SYNE2: variants seen among roughly 807,000 people sequenced by gnomAD.
SYNE2 encodes the protein spectrin repeat containing nuclear envelope protein 2.
In SYNE2, 431 loss-of-function variants were observed where a neutral mutation model predicts 856.3. The ratio of observed to expected loss-of-function variants is 0.50; its 90% CI spans 0.47 to 0.55. The LOEUF is 0.55. SYNE2 is among the 20% of genes least tolerant of loss of function. The pLI, the probability that SYNE2 is intolerant of heterozygous loss-of-function variation, is 0.00. For missense variants in SYNE2, 8,129 were observed against 8,023.2 expected, an observed-to-expected ratio of 1.01 and a Z score of -0.50; for synonymous variants, 2,923 against 2,872.3, an observed-to-expected ratio of 1.02 and a Z score of -0.56.
At chr14:64,080,072 C>CGT (rs998860528) in intron 55 of SYNE2, among the ~76,000 whole-genome samples, 1 of 151,452 alleles carries the variant, frequency 6.6e-6, no homozygotes, top group East Asian at 1.9e-4. Flanking sequence ...TGTGCGCGTG[C>CGT]GTGTGTGTGT....
upstream of SYNE2, among the ~76,000 whole-genome samples, chr14:63,849,265 C>CTTTT (rs35001530): frequency 7.9e-6 from 1 of 127,146 alleles, no homozygotes; most frequent in African/African-American, 2.8e-5. Flanking sequence ...AGTTAATCTC[C>CTTTT]TTTTTTTTTT....
intron 52 of SYNE2, among the ~76,000 whole-genome samples, chr14:64,072,538 C>T (rs7153871): frequency 8.6e-5 from 13 of 151,072 alleles, no homozygotes; most frequent in Non-Finnish European, 1.3e-4. Context: ...CTTGCTCTGT[C>T]GCCTAGGCTG....
chr14:64,032,624 G>A (rs1024061501), intron 45 of SYNE2, among the ~76,000 whole-genome samples: 2 of 151,726 alleles, frequency 1.3e-5, no homozygotes, highest in Non-Finnish European at 2.9e-5. Context: ...CCTGGCTGGA[G>A]TGCAATGGTG....
rs1367301952 is a variant in SYNE2, at chr14:64,027,505, A to G, written c.6426A>G (p.Leu2142=). 6.3e-7 allele frequency: 1 copy of G among 1,597,364 alleles called. No homozygotes were observed. Among genetic ancestry groups the G allele is most frequent in the Non-Finnish European group, 8.5e-7 (1 of 1,173,250 alleles). The part of the protein sequence containing the change: ...TYLSHQEKLL[L]EGEKYLQSKE... ...TTAGCCATCAAGAAAAGCTTCTACT[A>G]GAAGGAGAGAAATATTTACAAAGTA... is the stretch of plus-strand genomic sequence containing the variant. Residue 2142 remains leucine, a synonymous_variant, in exon 43 of 116, where the codon CTA becomes CTG. Transcript: ENST00000555002.
At chr14:64,189,538 G>T (rs180983347) in intron 98 of SYNE2, among the ~76,000 whole-genome samples, 1 of 152,198 alleles carries the variant, frequency 6.6e-6, no homozygotes, top group Non-Finnish European at 1.5e-5. Context: ...CAGCTCCCAC[G>T]TAGGTTAGAA....
chr14:63,878,439 G>C (rs2094778501), intron 1 of SYNE2, among the ~76,000 whole-genome samples: 1 of 152,160 alleles, frequency 6.6e-6, no homozygotes, highest in Non-Finnish European at 1.5e-5. Flanking sequence ...CTCATATTTG[G>C]GGCCACACAA....
In SYNE2 at chr14:63,974,878, G is replaced by A. The variant is rs1296053438; in HGVS notation, c.1129-1685G>A. ...TGTGTGTGTGTGTGTGTGTGTGTGT[G>A]TGTGTGTGTGTGTGTATATATATAT... On this transcript the variant is annotated intron_variant, in intron 11 of 115. Coordinates refer to ENST00000555002, the MANE Select transcript of SYNE2 (RefSeq NM_182914.3). 3.1e-3 allele frequency among the ~76,000 whole-genome samples: 90 copies of A among 29,278 alleles called. 1 individual carries two copies. The highest frequency in any genetic ancestry group is 0.026 in the Middle Eastern group (1 of 38). 19.2% of individuals were successfully genotyped at this position (29,278 alleles called of 152,430 possible). A position where few individuals can be genotyped will look rare whatever the true frequency, so the allele number is the denominator to read the frequency against.
At chr14:63,832,312 G>A (rs764642658) in intron 1 of SYNE2, among the ~76,000 whole-genome samples, 4 of 151,628 alleles carry the variant, frequency 2.6e-5, no homozygotes, top group African/African-American at 4.8e-5. Flanking sequence ...CACCAGCCAT[G>A]GGCAACATAG....
chr14:63,921,473 T>C (rs984487276), intron 2 of SYNE2, among the ~76,000 whole-genome samples: 2 of 152,108 alleles, frequency 1.3e-5, no homozygotes, highest in Non-Finnish European at 2.9e-5. Context: ...CACAAGCCCG[T>C]AGCAGAGCTT....
chr14:63,832,866 CAAAAAA>C (rs36099684), intron 1 of SYNE2, among the ~76,000 whole-genome samples: 998 of 64,742 alleles, frequency 0.015, 17 homozygotes, highest in African/African-American at 0.058. Flanking sequence ...CTGTCTCTAC[CAAAAAA>C]AAAAAAAAAA....
chr14:63,824,052 C>T (rs914305564), intron 1 of SYNE2, among the ~76,000 whole-genome samples: 1 of 152,244 alleles, frequency 6.6e-6, no homozygotes, highest in Non-Finnish European at 1.5e-5. Flanking sequence ...TTAAAAATAA[C>T]TAAAAGAGGA....
chr14:63,832,436 C>T (rs7150579), intron 1 of SYNE2, among the ~76,000 whole-genome samples: 2,887 of 152,014 alleles, frequency 0.019, 91 homozygotes, highest in African/African-American at 0.065. Context: ...CCACCATTCC[C>T]GGCCTTAGCC....
chr14:63,944,886 G>A (rs1457108530), intron 6 of SYNE2, among the ~76,000 whole-genome samples: 19 of 132,468 alleles, frequency 1.4e-4, no homozygotes, highest in Middle Eastern at 8.6e-3. Flanking sequence ...GTGCAGTGGC[G>A]TGATTTTGGC....
intron 67 of SYNE2, 48 bp downstream of exon 67, chr14:64,119,657 C>G: frequency 6.3e-7 from 1 of 1,590,136 alleles, no homozygotes; most frequent in Admixed American, 1.7e-5. Context: ...ACATATGTGG[C>G]AGACCTGCCA....
chr14:63,854,428 T>C (rs1289351718), intron 1 of SYNE2, among the ~76,000 whole-genome samples: 2 of 152,194 alleles, frequency 1.3e-5, no homozygotes, highest in Non-Finnish European at 2.9e-5. Flanking sequence ...CATGCTTTAA[T>C]GCATGACTCC....
intron 1 of SYNE2, among the ~76,000 whole-genome samples, chr14:63,835,983 C>CAAAAA (rs369182135): frequency 2.3e-5 from 3 of 128,082 alleles, no homozygotes; most frequent in Admixed American, 8.0e-5. Flanking sequence ...AACTCTGTCT[C>CAAAAA]AAAAAAAAAA....
intron 1 of SYNE2, among the ~76,000 whole-genome samples, chr14:63,844,558 T>C (rs1444728680): frequency 6.6e-6 from 1 of 152,224 alleles, no homozygotes; most frequent in Non-Finnish European, 1.5e-5. Flanking sequence ...ACATAAAGTA[T>C]TTTTAAAATG....
At position 64,218,490 on chromosome 14, in the gene SYNE2, C is replaced by A. The variant is rs149510065; in HGVS notation, c.19635C>A (p.Ala6545=). ...CACAGCAGGAAGACGGGGGACTGGCCGGTATCACAGAGCAGCAGTCAGGTA... is the reference window on the plus strand; with the variant it reads ...CACAGCAGGAAGACGGGGGACTGGCAGGTATCACAGAGCAGCAGTCAGGTA... ...GNPQQEDGGL[A]GITEQQSGAF... is the part of the protein sequence containing the mutation. Residue 6545 remains alanine, a synonymous_variant, in exon 109 of 116, where the codon GCC becomes GCA. Coordinates refer to ENST00000555002, the MANE Select transcript of SYNE2 (RefSeq NM_182914.3). 1 of 1,613,894 alleles carries A rather than the reference C, an allele frequency of 6.2e-7. No homozygotes were observed. The highest frequency in any genetic ancestry group is 8.5e-7 in the Non-Finnish European group (1 of 1,180,004).
intron 102 of SYNE2, 43 bp downstream of exon 102, chr14:64,209,621 C>G: frequency 6.2e-7 from 1 of 1,611,438 alleles, no homozygotes; most frequent in Non-Finnish European, 8.5e-7. Flanking sequence ...ATAACCAAGC[C>G]TGCAGCGAGC....
Sources: gnomAD v4.1 joint callset for allele counts (sites outside exome capture counted in the v4.1 genomes callset) on GRCh38, gnomAD v4.1.1 for gene constraint, MANE v1.5 for transcripts, NCBI Gene and HGNC (gene_info 2026-07-23, HGNC 2026-07-21) for gene names.